The following CCDC73 variants were observed in gnomAD, a reference collection of about 807,000 sequenced individuals.
CCDC73 encodes the protein coiled-coil domain containing 73, also known as coiled-coil domain-containing protein 73.
In CCDC73, 95 loss-of-function variants were observed where a neutral mutation model predicts 116.5. The ratio of observed to expected loss-of-function variants is 0.82; its 90% CI spans 0.69 to 0.97. The LOEUF is 0.97. Among genes scored for constraint, CCDC73 ranks in the 50% least tolerant of loss-of-function variants. The pLI is 0.00. For synonymous variants in CCDC73, 398 were observed against 401.3 expected (o/e 0.99, Z 0.10); for missense variants, 1,066 against 1,206.8 (o/e 0.88, Z 1.73).
intron 3 of CCDC73, among the ~76,000 whole-genome samples, chr11:32,714,394 G>A (rs1590609066): frequency 6.6e-6 from 1 of 152,158 alleles, no homozygotes; most frequent in Admixed American, 6.5e-5. Context: ...AACACTCCAA[G>A]GGACTAATGT....
At chr11:32,669,450 C>T (rs906634232) in intron 9 of CCDC73, among the ~76,000 whole-genome samples, 4 of 152,010 alleles carry the variant, frequency 2.6e-5, no homozygotes, top group African/African-American at 7.2e-5. Flanking sequence ...AAGGATTTAT[C>T]GTTTGTGTTA....
chr11:32,696,723 G>A (rs966815369), intron 6 of CCDC73, among the ~76,000 whole-genome samples: 9 of 151,314 alleles, frequency 5.9e-5, no homozygotes, highest in African/African-American at 1.5e-4. Context: ...CACCATGCCC[G>A]GCCTCTTCTC....
intron 7 of CCDC73, chr11:32,679,920 T>C (rs967550941): frequency 1.3e-5 from 2 of 152,206 alleles, no homozygotes; most frequent in Non-Finnish European, 2.9e-5. Context: ...TCCAACATTC[T>C]TTGGGGCAAA....
chr11:32,802,279 A>G, the CCDC73 span, among the ~76,000 whole-genome samples: 3 of 152,200 alleles, frequency 2.0e-5, no homozygotes, highest in Non-Finnish European at 2.9e-5. Context: ...ATTTATAAAA[A>G]GTTACTAATA....
At chr11:32,676,385 C>A (rs1795996067) in intron 7 of CCDC73, among the ~76,000 whole-genome samples, 1 of 152,248 alleles carries the variant, frequency 6.6e-6, no homozygotes, top group Admixed American at 6.5e-5. Context: ...TATTTTTTCT[C>A]TAAATCATTT....
At chr11:32,804,038 G>A in the CCDC73 span, among the ~76,000 whole-genome samples, 2 of 151,970 alleles carry the variant, frequency 1.3e-5, no homozygotes, top group Non-Finnish European at 2.9e-5. Flanking sequence ...TCGAACTCCC[G>A]ACCTCAAGTG....
chr11:32,659,840 C>A (rs1855906387), intron 9 of CCDC73, among the ~76,000 whole-genome samples: 1 of 152,122 alleles, frequency 6.6e-6, no homozygotes, highest in South Asian at 2.1e-4. Flanking sequence ...TCTTGGGCCT[C>A]TTCCTTAGAC....
intron 17 of CCDC73, among the ~76,000 whole-genome samples, chr11:32,608,681 C>T (rs1348263495): frequency 6.6e-6 from 1 of 152,196 alleles, no homozygotes; most frequent in African/African-American, 2.4e-5. Context: ...GGGGCTCTGA[C>T]CCCACATTTC....
At chr11:32,829,840 C>G in the CCDC73 span, 2 of 985,320 alleles carry the variant, frequency 2.0e-6, no homozygotes, top group African/African-American at 3.5e-5. Context: ...GACGCCGGCC[C>G]ACTGCCCGCC....
rs917877377 is a variant in CCDC73, at chr11:32,778,155, T to C, written c.-16+16458A>G. ...TAAATAAGTGGTTTTCAAAGTGCAG[T>C]TCCTGGACCAACAATATCAGCAACA... On this transcript the variant is annotated intron_variant, in intron 1 of 17. Coordinates refer to ENST00000335185, the MANE Select transcript of CCDC73 (RefSeq NM_001008391.4). 2.0e-5 allele frequency among the ~76,000 whole-genome samples: 3 copies of C among 152,308 alleles called. No homozygotes were observed. In the South Asian group the frequency reaches 6.2e-4, roughly 32 times the overall value.
chr11:32,784,490 T>C (rs892892521), intron 1 of CCDC73, among the ~76,000 whole-genome samples: 4 of 152,192 alleles, frequency 2.6e-5, no homozygotes, highest in African/African-American at 9.6e-5. Flanking sequence ...TTATGGAGGA[T>C]GTGAAGAAGG....
intron 17 of CCDC73, among the ~76,000 whole-genome samples, chr11:32,607,917 G>C (rs1855376800): frequency 6.6e-6 from 1 of 152,196 alleles, no homozygotes; most frequent in South Asian, 2.1e-4. Flanking sequence ...CAGCAAAAGA[G>C]AGCTTGTGCA....
chr11:32,623,822 G>A (rs768504645), intron 14 of CCDC73, among the ~76,000 whole-genome samples: 5 of 152,120 alleles, frequency 3.3e-5, no homozygotes, highest in Non-Finnish European at 7.3e-5. Flanking sequence ...TTTAAAATGG[G>A]AGGGGCTTAA....
At chr11:32,682,170 T>C (rs1047599511) in intron 7 of CCDC73, 1 of 151,830 alleles carries the variant, frequency 6.6e-6, no homozygotes, top group Non-Finnish European at 1.5e-5. Context: ...TGGAATAAAA[T>C]AAAACACATT....
intron 14 of CCDC73, among the ~76,000 whole-genome samples, chr11:32,621,759 T>C (rs1178271293): frequency 3.9e-5 from 6 of 152,066 alleles, no homozygotes; most frequent in Admixed American, 2.6e-4. Flanking sequence ...TTGCAATCTA[T>C]CTACCTGACA....
the CCDC73 span, among the ~76,000 whole-genome samples, chr11:32,813,753 G>A: frequency 1.3e-5 from 2 of 152,132 alleles, no homozygotes; most frequent in Non-Finnish European, 2.9e-5. Flanking sequence ...TCTATATTCT[G>A]TTCCACTGAT....
At chr11:32,821,565 G>A in the CCDC73 span, among the ~76,000 whole-genome samples, 4 of 152,226 alleles carry the variant, frequency 2.6e-5, no homozygotes, top group Middle Eastern at 6.8e-3. Flanking sequence ...AAAGAAAAAA[G>A]TATATCTTTT....
Position 32,602,775 on chromosome 11 carries a change from G to A in CCDC73, c.*36C>T. ...TAGTAAAAACTATACCAGAATTTCA[G>A]TTACATAATTTCACTACTGAAAGCA... is the stretch of plus-strand genomic sequence containing the variant. On this transcript the variant is annotated 3_prime_UTR_variant, in exon 18 of 18. Transcript: ENST00000335185. The A allele has an allele frequency of 7.3e-7, 1 of 1,369,094 alleles. No individual in the cohort carries two copies. Among genetic ancestry groups the A allele is most frequent in the Non-Finnish European group, 1.0e-6 (1 of 1,003,234 alleles). The allele number at this position is 1,369,094 out of a possible 1,614,324, so 84.8% of individuals were successfully genotyped here.
At chr11:32,736,383 T>C (rs1850129215) in intron 2 of CCDC73, among the ~76,000 whole-genome samples, 1 of 152,110 alleles carries the variant, frequency 6.6e-6, no homozygotes, top group African/African-American at 2.4e-5. Context: ...AAGAAGACAC[T>C]TATGCAGCCA....
Sources: gnomAD v4.1 joint callset for allele counts (sites outside exome capture counted in the v4.1 genomes callset) on GRCh38, gnomAD v4.1.1 for gene constraint, MANE v1.5 for transcripts, NCBI Gene and HGNC (gene_info 2026-07-23, HGNC 2026-07-21) for gene names.